Variants in ABCA7 observed in about 807,000 individuals in gnomAD.
The protein encoded by ABCA7 is ATP binding cassette subfamily A member 7.
Under a neutral mutation model 227.6 loss-of-function variants are expected in ABCA7, and 261 were observed. The ratio of observed to expected loss-of-function variants is 1.15; its 90% CI spans 1.04 to 1.27. The LOEUF (loss-of-function observed/expected upper bound fraction) is 1.27. Among genes scored for constraint, ABCA7 ranks in the 50% most tolerant of loss-of-function variants. The pLI is 0.00. For missense variants in ABCA7, 3,331 were observed against 2,924.5 expected (o/e 1.14, Z -3.21); for synonymous variants, 1,488 against 1,279.7 (o/e 1.16, Z -3.47).
rs971361106 is a variant in ABCA7 at position 1,044,578 on chromosome 19, G to A, written c.1049G>A (p.Arg350Gln). The A allele has an allele frequency of 6.2e-7, 1 of 1,610,864 alleles. No individual in the cohort carries two copies. The highest frequency in any genetic ancestry group is 1.7e-4 in the Middle Eastern group (1 of 6,044). Residue 350 changes from arginine to glutamine, a missense_variant and splice_region_variant, in exon 11 of 47, where the codon CGG (arginine) becomes CAG (glutamine). Arg to Gln is a conservative substitution (Grantham distance 43). Transcript: ENST00000263094. ...CTCACTTTCACCTGCGCCCCCCAGC[G>A]GCTCCTGCAGATGCAGGATGAAGGA... is the stretch of plus-strand genomic sequence containing the variant. Reference protein sequence around the residue: ...NDSSNVAMLQRLLQMQDEGRR... With the variant: ...NDSSNVAMLQQLLQMQDEGRR...
chr19:1,056,463 TG>T lies in ABCA7; in HGVS notation c.4551del (p.Asn1518ThrfsTer12). 1 of 1,613,566 alleles carries T rather than the reference TG, an allele frequency of 6.2e-7. No individual in the cohort carries two copies. On this transcript the variant is annotated frameshift_variant, in exon 33 of 47. Coordinates refer to ENST00000263094, the MANE Select transcript of ABCA7 (RefSeq NM_019112.4). LOFTEE classifies it high-confidence loss of function. This position sits in a 1 kb window ranked among gnomAD's most constrained non-coding sequence, Gnocchi z 4.3. ...AGCATCACCACACTCAACCACCCCT[TG>T]AACCTCACCAAGGAGCAGCTGTCTG... Reference protein sequence around the residue: ...AHSITTLNHPLNLTKEQLSEG... With the variant: ...AHSITTLNHPXNLTKEQLSEG...
chr19:1,065,003 G>C lies in ABCA7; in HGVS notation c.6117G>C (p.Ala2039=), dbSNP rs1252801876. The C allele has an allele frequency of 6.4e-7, 1 of 1,556,398 alleles. No homozygotes were observed. Among genetic ancestry groups the C allele is most frequent in the African/African-American group, 1.4e-5 (1 of 73,236 alleles). Residue 2039 remains alanine, a synonymous_variant, in exon 46 of 47, where the codon GCG becomes GCC. Coordinates refer to ENST00000263094, the MANE Select transcript of ABCA7 (RefSeq NM_019112.4). Reference sequence around the variant, plus strand: ...CCCAGCCGGCAGCGGCCTTCGTGGCGGCCGAGTTCCCTGGGGCGGAGCTGC... The same window carrying C: ...CCCAGCCGGCAGCGGCCTTCGTGGCCGCCGAGTTCCCTGGGGCGGAGCTGC... ...ARSQPAAAFV[A]AEFPGAELRE...
In ABCA7 at chr19:1,045,146, A is replaced by T; in HGVS notation, c.1360A>T (p.Thr454Ser). 7 of 1,612,060 alleles carry T rather than the reference A, an allele frequency of 4.3e-6. No individual in the cohort carries two copies. The highest frequency in any genetic ancestry group is 5.9e-6 in the Non-Finnish European group (7 of 1,179,686). The change falls in exon 12 of 47, where the codon ACC (threonine) becomes TCC (serine). Residue 454 changes from threonine to serine, a missense_variant. Thr to Ser is a moderately conservative substitution (Grantham distance 58). Transcript: ENST00000263094. Reference sequence around the variant, plus strand: ...CTCTTCAGACCCCACAGAGCACCCAACCCCAGACCTGGGCCCCGGCCACGT... The same window carrying T: ...CTCTTCAGACCCCACAGAGCACCCATCCCCAGACCTGGGCCCCGGCCACGT... ...EDSSDPTEHP[T>S]PDLGPGHVRI...
In ABCA7 at chr19:1,063,872, G is replaced by T. The variant is rs1309910924; in HGVS notation, c.5951+9G>T. The T allele has an allele frequency of 1.3e-6, 2 of 1,524,812 alleles. No homozygotes were observed. Among genetic ancestry groups the T allele is most frequent in the Non-Finnish European group, 1.8e-6 (2 of 1,135,622 alleles). 94.5% of individuals were successfully genotyped at this position (1,524,812 alleles called of 1,614,324 possible). Reference sequence around the variant, plus strand: ...ATGCTCACCTCCCATAGGTGGGCCGGGCTCTGATGCCCTGGGCTGTGGTTA... The same window carrying T: ...ATGCTCACCTCCCATAGGTGGGCCGTGCTCTGATGCCCTGGGCTGTGGTTA... On this transcript the variant is annotated intron_variant, in intron 44 of 46. Coordinates refer to ENST00000263094, the MANE Select transcript of ABCA7 (RefSeq NM_019112.4).
rs760684352 is a variant in ABCA7, at chr19:1,049,284, C to G, written c.2399C>G (p.Pro800Arg). ...TCTGCAGTGCTGGTAGAAGAGGCAC[C>G]GCCCGGCCTGAGTCCTGGCGTCTCC... is the stretch of plus-strand genomic sequence containing the variant. ...LDPKVLVEEA[P>R]PGLSPGVSVR... is the part of the protein sequence containing the mutation. The change falls in exon 18 of 47, where the codon CCG becomes CGG. Residue 800 changes from proline to arginine, a missense_variant. Physicochemically the swap from Pro to Arg is moderately radical, Grantham distance 103. Transcript: ENST00000263094. The G allele has an allele frequency of 2.5e-6, 4 of 1,608,176 alleles. No homozygotes were observed. In the African/African-American group the frequency reaches 5.4e-5, roughly 22 times the overall value.
chr19:1,064,938 G>T lies in ABCA7; in HGVS notation c.6052G>T (p.Ala2018Ser), dbSNP rs1287220567. 7.7e-6 allele frequency: 12 copies of T among 1,549,164 alleles called. No individual in the cohort carries two copies. In the South Asian group the frequency reaches 1.2e-4, roughly 15 times the overall value. The change falls in exon 46 of 47, where the codon GCG (alanine) becomes TCG (serine). Residue 2018 changes from alanine (A) to serine (S), a missense_variant. By Grantham distance (99) the Ala-to-Ser change is moderately conservative. Coordinates refer to ENST00000263094, the MANE Select transcript of ABCA7 (RefSeq NM_019112.4). ...SPQHLKGRFA[A>S]GHTLTLRVPA... ...TGGCCCCACTCACTGCAGATTCGCG[G>T]CGGGTCACACACTGACCCTGCGGGT...
rs978850571 is a variant in ABCA7, at chr19:1,061,390, C to CAAA, written c.5464-372_5464-370dup. Among the ~76,000 whole-genome samples the CAAA allele has an allele frequency of 3.7e-3, 137 of 36,818 alleles. 3 individuals carry two copies. The highest frequency in any genetic ancestry group is 0.016 in the African/African-American group (110 of 7,054). The allele number at this position is 36,818 out of a possible 152,430, so 24.2% of individuals were successfully genotyped here. On this transcript the variant is annotated intron_variant, in intron 40 of 46. Transcript: ENST00000263094. ...GGGGTGACACAGCAAGGCTCCGTCT[C>CAAA]AAAAAAAAAAAAAAAAAAAAAAGAG...
At chr19:1,044,800 T>A (rs1423245628) in intron 11 of ABCA7, 56 bp downstream of exon 11, 2 of 1,538,828 alleles carry the variant, frequency 1.3e-6, no homozygotes, top group African/African-American at 2.7e-5. Flanking sequence ...GGTCCCATCC[T>A]AGTGTTCCCA....
chr19:1,041,804 G>T, intron 3 of ABCA7, 27 bp from the exon 4 acceptor site: 1 of 1,600,052 alleles, frequency 6.2e-7, no homozygotes. Context: ...AGTCCACAGG[G>T]CCTCAGCACC....
At chr19:1,045,372 C>T in intron 12 of ABCA7, 141 bp downstream of exon 12, 1 of 891,628 alleles carries the variant, frequency 1.1e-6, no homozygotes, top group Non-Finnish European at 1.7e-6. Flanking sequence ...GTAGCCAGAG[C>T]CCGGGGCTCC....
chr19:1,058,109 AG>A lies in ABCA7; in HGVS notation c.5026-36del, dbSNP rs199761357. 1.9e-5 allele frequency: 30 copies of A among 1,613,918 alleles called. No homozygotes were observed. The East Asian group carries it at 6.7e-4, about 36-fold the overall frequency. ...TGGGCTGGGTTGGGTCGTTGGACTCAGCCCCTGACCAACATCCGTCTCCCAC... is the reference window on the plus strand; with the variant it reads ...TGGGCTGGGTTGGGTCGTTGGACTCACCCCTGACCAACATCCGTCTCCCAC... On this transcript the variant is annotated intron_variant, in intron 36 of 46. Transcript: ENST00000263094.
chr19:1,056,781 G>T lies in ABCA7; in HGVS notation c.4587-126G>T. On this transcript the variant is annotated intron_variant, in intron 33 of 46. Coordinates refer to ENST00000263094, the MANE Select transcript of ABCA7 (RefSeq NM_019112.4). This position sits in a 1 kb window ranked among gnomAD's most constrained non-coding sequence, Gnocchi z 4.3. ...TCCCAGGCACCCTCATCCCTAAATTGCCCCTGCCATCTCTGCCACTGCTGA... is the reference window on the plus strand; with the variant it reads ...TCCCAGGCACCCTCATCCCTAAATTTCCCCTGCCATCTCTGCCACTGCTGA... The T allele has an allele frequency of 1.8e-6, 2 of 1,105,166 alleles. No individual in the cohort carries two copies. The highest frequency in any genetic ancestry group is 1.5e-5 in the South Asian group (1 of 68,008). The allele number at this position is 1,105,166 out of a possible 1,614,324, so 68.5% of individuals were successfully genotyped here.
Position 1,047,289 on chromosome 19 carries a change from G to T in ABCA7, c.1978G>T (p.Gly660Cys), listed in dbSNP as rs373714431. 1 of 1,605,148 alleles carries T rather than the reference G, an allele frequency of 6.2e-7. No homozygotes were observed. ...FSRANLAAAC[G>C]GLAYFSLYLP... is the part of the protein sequence containing the mutation. ...CCGCGCCAACCTGGCTGCGGCCTGC[G>T]GCGGCCTGGCCTACTTCTCCCTCTA... is the stretch of plus-strand genomic sequence containing the variant. The change falls in exon 15 of 47, where the codon GGC (glycine) becomes TGC (cysteine). Residue 660 changes from glycine to cysteine, a missense_variant. Gly to Cys is a radical substitution (Grantham distance 159, BLOSUM62 -3). Coordinates refer to ENST00000263094, the MANE Select transcript of ABCA7 (RefSeq NM_019112.4).
chr19:1,057,253 G>T, intron 34 of ABCA7, 61 bp from the exon 35 acceptor site: 5 of 1,585,768 alleles, frequency 3.2e-6, no homozygotes, highest in Non-Finnish European at 4.3e-6. Flanking sequence ...TGGGAACAGG[G>T]CTGAGGGTGG....
chr19:1,047,028 G>C lies in ABCA7; in HGVS notation c.1845+4G>C, dbSNP rs1568274164. Reference sequence around the variant, plus strand: ...ACTGCTGGTTCTGGTGCTCAAGGTGGGCGCGCCTCGGCCTGCCCGGCTGCA... The same window carrying C: ...ACTGCTGGTTCTGGTGCTCAAGGTGCGCGCGCCTCGGCCTGCCCGGCTGCA... On this transcript the variant is annotated splice_donor_region_variant and intron_variant, in intron 14 of 46. Coordinates refer to ENST00000263094, the MANE Select transcript of ABCA7 (RefSeq NM_019112.4). 2.6e-6 allele frequency: 4 copies of C among 1,557,772 alleles called. No homozygotes were observed. In the East Asian group the frequency reaches 9.6e-5, roughly 37 times the overall value.
chr19:1,056,193 A>G lies in ABCA7; in HGVS notation c.4366A>G (p.Lys1456Glu). The change falls in exon 32 of 47, where the codon AAA (lysine) becomes GAA (glutamate). Residue 1456 changes from lysine to glutamate, a missense_variant. Physicochemically the swap from Lys to Glu is moderately conservative, Grantham distance 56. Transcript: ENST00000263094. The surrounding 1 kb of genome is among the most constrained non-coding windows in gnomAD (Gnocchi z 4.3). ...TGGCGGGGCCCTCGACCGTGTCCTG[A>G]AAAACCTCACAGCCTGGGCTCACAG... ...LPGGALDRVL[K>E]NLTAWAHSLD... is the part of the protein sequence containing the mutation. The G allele has an allele frequency of 6.2e-7, 1 of 1,606,254 alleles. No individual in the cohort carries two copies. The highest frequency in any genetic ancestry group is 8.5e-7 in the Non-Finnish European group (1 of 1,177,922).
rs1201868543 is a variant in ABCA7 at position 1,058,277 on chromosome 19, C to T, written c.5149+8C>T. The T allele has an allele frequency of 6.2e-6, 10 of 1,612,660 alleles. No individual in the cohort carries two copies. The highest frequency in any genetic ancestry group is 8.5e-6 in the Non-Finnish European group (10 of 1,179,750). On this transcript the variant is annotated splice_region_variant and intron_variant, in intron 37 of 46. Coordinates refer to ENST00000263094, the MANE Select transcript of ABCA7 (RefSeq NM_019112.4). Reference sequence around the variant, plus strand: ...ATGCCTTTGAGCGCTTGGGTGAGAACTTCCTGTCAGGTGGGGCCATGGCTA... The same window carrying T: ...ATGCCTTTGAGCGCTTGGGTGAGAATTTCCTGTCAGGTGGGGCCATGGCTA...
chr19:1,042,615 T>G (rs1386093176), intron 6 of ABCA7, 131 bp from the exon 7 acceptor site: 1 of 1,101,182 alleles, frequency 9.1e-7, no homozygotes, highest in Admixed American at 1.8e-5. Flanking sequence ...TCCCTTTGCC[T>G]CTCAGAGCCT....
chr19:1,062,652 C>G (rs2042737964), intron 42 of ABCA7, among the ~76,000 whole-genome samples: 1 of 151,992 alleles, frequency 6.6e-6, no homozygotes. Context: ...TCGCGCCTTT[C>G]TCGCTGGGGT....
Sources: gnomAD v4.1 joint callset for allele counts (sites outside exome capture counted in the v4.1 genomes callset) on GRCh38, gnomAD v4.1.1 for gene constraint, Gnocchi (gnomAD v3.1) non-coding constraint, MANE v1.5 for transcripts, NCBI Gene and HGNC (gene_info 2026-07-23, HGNC 2026-07-21) for gene names.